Variants in TLL2 observed in about 807,000 individuals in gnomAD.
The protein encoded by TLL2 is tolloid like 2.
A neutral mutation model predicts 123.0 loss-of-function variants in TLL2; 106 were observed. The ratio of observed to expected loss-of-function variants is 0.86; its 90% CI spans 0.74 to 1.01. The LOEUF is 1.01. TLL2 is among the 50% of genes least tolerant of loss of function. The probability of loss-of-function intolerance (pLI) is 0.00; values close to 1 mark genes in which losing one functional copy is unlikely to be tolerated. For synonymous variants in TLL2, 494 were observed against 516.8 expected, an observed-to-expected ratio of 0.96 and a Z score of 0.60; for missense variants, 1,332 against 1,336.7, an observed-to-expected ratio of 1.00 and a Z score of 0.06.
intron 10 of TLL2, among the ~76,000 whole-genome samples, 152 bp downstream of exon 10, chr10:96,405,078 CAT>C (rs1483983701): frequency 6.6e-6 from 1 of 152,194 alleles, no homozygotes; most frequent in South Asian, 2.1e-4. Context: ...AAGCTTTTAA[CAT>C]GTGTGGCCAA....
At chr10:96,405,177 C>T in intron 10 of TLL2, 55 bp downstream of exon 10, 1 of 1,525,420 alleles carries the variant, frequency 6.6e-7, no homozygotes, top group Non-Finnish European at 9.1e-7. Flanking sequence ...ACATTAACAG[C>T]ATCCCGGGGA....
chr10:96,411,257 C>CAAAAAAAA (rs56011735), intron 8 of TLL2, among the ~76,000 whole-genome samples: 2 of 95,172 alleles, frequency 2.1e-5, no homozygotes, highest in African/African-American at 4.4e-5. Context: ...GACTCTGTCT[C>CAAAAAAAA]AAAAAAAAAA....
At chr10:96,482,053 C>A (rs4447105) in intron 1 of TLL2, among the ~76,000 whole-genome samples, 56,175 of 151,906 alleles carry the variant, frequency 0.37, 10,621 homozygotes, top group Middle Eastern at 0.51. Flanking sequence ...GTCAGGAGAT[C>A]GAGACCATCC....
chr10:96,378,274 G>A (rs1846155098), intron 17 of TLL2, among the ~76,000 whole-genome samples: 1 of 152,240 alleles, frequency 6.6e-6, no homozygotes, highest in Admixed American at 6.5e-5. Flanking sequence ...GGGTTTCGTG[G>A]CTGGAGCCAA....
chr10:96,448,297 G>T (rs963296823), intron 2 of TLL2, among the ~76,000 whole-genome samples: 5 of 152,144 alleles, frequency 3.3e-5, no homozygotes, highest in Non-Finnish European at 7.3e-5. Context: ...ATTTCCTCTC[G>T]GGCTAAAGGT....
intron 18 of TLL2, 149 bp from the exon 19 acceptor site, chr10:96,373,958 TGAG>T (rs1440938946): frequency 1.5e-5 from 10 of 656,700 alleles, no homozygotes; most frequent in Non-Finnish European, 2.6e-5. Context: ...TGATGATGCT[TGAG>T]GACATCTGTA....
chr10:96,428,694 C>A lies in TLL2; in HGVS notation c.575G>T (p.Cys192Phe). ...ATCCGTCCTTTCTATGAAGGTCACA[C>A]AGGTGTGCTTCTCCCAGTGTCTCAT... ...QAMRHWEKHT[C>F]VTFIERTDEE... The change falls in exon 5 of 21, where the codon TGT becomes TTT. Residue 192 changes from cysteine to phenylalanine, a missense_variant. Transcript: ENST00000357947. The A allele has an allele frequency of 6.2e-7, 1 of 1,614,140 alleles. No homozygotes were observed. Among genetic ancestry groups the A allele is most frequent in the Non-Finnish European group, 8.5e-7 (1 of 1,179,994 alleles).
At chr10:96,493,079 T>C (rs1847431441) in intron 1 of TLL2, among the ~76,000 whole-genome samples, 1 of 152,180 alleles carries the variant, frequency 6.6e-6, no homozygotes, top group Non-Finnish European at 1.5e-5. Flanking sequence ...AAGGGACTGA[T>C]GGTTCTGCAG....
chr10:96,373,885 G>T, intron 18 of TLL2, 76 bp from the exon 19 acceptor site: 1 of 1,368,990 alleles, frequency 7.3e-7, no homozygotes, highest in Non-Finnish European at 1.0e-6. Context: ...CCAGTTCTGG[G>T]ACAGGAAGGG....
At position 96,508,001 on chromosome 10, in the gene TLL2, G is replaced by A. The variant is rs184949711; in HGVS notation, c.175+5510C>T. Among the ~76,000 whole-genome samples, 223 of 152,310 alleles carry A rather than the reference G, an allele frequency of 1.5e-3. 1 individual carries two copies. The highest frequency in any genetic ancestry group is 5.1e-3 in the African/African-American group (211 of 41,582). The stretch of plus-strand genomic sequence containing the variant: ...TGGAAATAAAGATGTAAAAATATCA[G>A]CCACCCTTACCTAGGTGTGGCCCAT... On this transcript the variant is annotated intron_variant, in intron 1 of 20. Coordinates refer to ENST00000357947, the MANE Select transcript of TLL2 (RefSeq NM_012465.4).
intron 2 of TLL2, among the ~76,000 whole-genome samples, chr10:96,462,968 G>A (rs59909027): frequency 0.16 from 24,444 of 152,202 alleles, 2,345 homozygotes; most frequent in East Asian, 0.29. Flanking sequence ...CAGATCATCC[G>A]GCCTCAGCTG....
chr10:96,381,991 C>T (rs17111762), intron 16 of TLL2, among the ~76,000 whole-genome samples: 15,980 of 152,180 alleles, frequency 0.11, 909 homozygotes, highest in South Asian at 0.15. Flanking sequence ...TCTAATATGA[C>T]GTGACATGCA....
intron 8 of TLL2, 197 bp from the exon 9 acceptor site, chr10:96,410,671 C>G (rs568570769): frequency 1.1e-5 from 7 of 661,816 alleles, no homozygotes; most frequent in Non-Finnish European, 1.7e-5. Flanking sequence ...CAAAAAGGAA[C>G]GCCCAGGAAT....
chr10:96,479,270 G>A (rs1847288471), intron 2 of TLL2, among the ~76,000 whole-genome samples: 1 of 152,162 alleles, frequency 6.6e-6, no homozygotes, highest in Non-Finnish European at 1.5e-5. Context: ...CCAGCCACTG[G>A]CGATGAGGTC....
At chr10:96,438,856 A>G (rs976015878) in intron 3 of TLL2, among the ~76,000 whole-genome samples, 1 of 152,050 alleles carries the variant, frequency 6.6e-6, no homozygotes, top group African/African-American at 2.4e-5. Flanking sequence ...TTGAGTTTTT[A>G]TCGTGAATAG....
intron 20 of TLL2, 109 bp from the exon 21 acceptor site, chr10:96,368,331 C>T (rs1389800758): frequency 2.3e-6 from 3 of 1,322,340 alleles, no homozygotes; most frequent in Non-Finnish European, 3.1e-6. Flanking sequence ...GTCTCTGGTA[C>T]CAGAGACTCT....
At chr10:96,403,624 T>C (rs560055056) in intron 10 of TLL2, among the ~76,000 whole-genome samples, 100 of 152,274 alleles carry the variant, frequency 6.6e-4, no homozygotes, top group African/African-American at 2.2e-3. Context: ...TCTCCCCATG[T>C]GATAGTCTGA....
chr10:96,463,226 C>T (rs572830650), intron 2 of TLL2, among the ~76,000 whole-genome samples: 4 of 152,310 alleles, frequency 2.6e-5, no homozygotes, highest in East Asian at 1.9e-4. Flanking sequence ...GGGCTTCTTA[C>T]GGTCATGTCT....
intron 11 of TLL2, among the ~76,000 whole-genome samples, chr10:96,396,825 G>A (rs897842242): frequency 1.3e-5 from 2 of 152,132 alleles, no homozygotes; most frequent in Non-Finnish European, 2.9e-5. Flanking sequence ...GGCCTAGAGA[G>A]GTCAGATTCT....
Sources: allele counts gnomAD v4.1 joint callset (sites outside exome capture counted in the v4.1 genomes callset), GRCh38; gene constraint gnomAD v4.1.1; transcripts MANE v1.5; gene names NCBI Gene and HGNC (gene_info 2026-07-23, HGNC 2026-07-21).